MICAL3: variants seen among roughly 807,000 people sequenced by gnomAD.
MICAL3 encodes [F-actin]-monooxygenase MICAL3.
MICAL3 carries 62 observed loss-of-function variants against 207.4 expected under a neutral mutation model. That is an observed-to-expected ratio of 0.30 (90% CI 0.24 to 0.37). The LOEUF (loss-of-function observed/expected upper bound fraction) is 0.37. Among genes scored for constraint, MICAL3 ranks in the 10% least tolerant of loss-of-function variants. MICAL3 has a pLI of 1.00. For synonymous variants in MICAL3, 1,077 were observed against 1,069.3 expected, an observed-to-expected ratio of 1.01 and a Z score of -0.14; for missense variants, 2,368 against 2,635.6, an observed-to-expected ratio of 0.90 and a Z score of 2.22.
intron 15 of MICAL3, among the ~76,000 whole-genome samples, chr22:17,886,634 G>A (rs190303668): frequency 1.2e-4 from 19 of 152,024 alleles, no homozygotes; most frequent in African/African-American, 3.9e-4. Context: ...GTGAAAATCC[G>A]TCTCTACTAA....
chr22:18,022,011 G>A lies in MICAL3; in HGVS notation c.-75+2270C>T, dbSNP rs1924510175. Among the ~76,000 whole-genome samples the A allele has an allele frequency of 2.0e-5, 3 of 152,144 alleles. No individual in the cohort carries two copies. The South Asian group carries it at 6.2e-4, about 32-fold the overall frequency. Reference sequence around the variant, plus strand: ...TGTGCCTGGTGAAGTTCTGGCACCAGGTGGGTAGATCACATTTTCTAGTTT... The same window carrying A: ...TGTGCCTGGTGAAGTTCTGGCACCAAGTGGGTAGATCACATTTTCTAGTTT... On this transcript the variant is annotated intron_variant, in intron 1 of 31. Transcript: ENST00000441493.
intron 1 of MICAL3, among the ~76,000 whole-genome samples, chr22:17,964,415 G>A (rs917777240): frequency 6.6e-6 from 1 of 152,162 alleles, no homozygotes; most frequent in African/African-American, 2.4e-5. Flanking sequence ...AGGCCCCAGC[G>A]AACAGCCCTG....
intron 19 of MICAL3, chr22:17,862,324 G>A (rs1256255538): frequency 2.4e-6 from 2 of 839,060 alleles, no homozygotes; most frequent in Non-Finnish European, 2.9e-6. Context: ...GTGTGATCTC[G>A]ACTTACTGCA....
In MICAL3 at chr22:17,819,039, G is replaced by C. The variant is rs749856969; in HGVS notation, c.3622C>G (p.Pro1208Ala). 1.9e-5 allele frequency: 30 copies of C among 1,597,956 alleles called. No homozygotes were observed. The highest frequency in any genetic ancestry group is 2.4e-5 in the Non-Finnish European group (28 of 1,172,508). The change falls in exon 26 of 32, where the codon CCC (proline) becomes GCC (alanine). Residue 1208 changes from proline to alanine, a missense_variant. Coordinates refer to ENST00000441493, the MANE Select transcript of MICAL3 (RefSeq NM_015241.3). ...AGATCCGAGGGGGCATCAGCTTTGG[G>C]CTTCTCTTTGGGGAGCAAAGGCTCA... The part of the protein sequence containing the change: ...FPEPLLPKEK[P>A]KADAPSDLKA...
chr22:17,817,965 C>T lies in MICAL3; in HGVS notation c.4696G>A (p.Gly1566Arg), dbSNP rs1018174000. 30 of 1,612,414 alleles carry T rather than the reference C, an allele frequency of 1.9e-5. No homozygotes were observed. Among genetic ancestry groups the T allele is most frequent in the African/African-American group, 1.2e-4 (9 of 74,930 alleles). Residue 1566 changes from glycine to arginine, a missense_variant, in exon 26 of 32, where the codon GGG (glycine) becomes AGG (arginine). Physicochemically the swap from Gly to Arg is moderately radical, Grantham distance 125. Around this residue, in one of 4 missense-constraint regions of MICAL3, gnomAD observed 1,770 missense variants for 1,863.2 expected, o/e 0.95. Coordinates refer to ENST00000441493, the MANE Select transcript of MICAL3 (RefSeq NM_015241.3). Reference sequence around the variant, plus strand: ...GTCCCCTCCAGAGCAGGCAGCCTCCCGTTCTCCTTGGCCAGGGGCGGGTGG... The same window carrying T: ...GTCCCCTCCAGAGCAGGCAGCCTCCTGTTCTCCTTGGCCAGGGGCGGGTGG... ...PRHPPLAKEN[G>R]RLPALEGTLQ...
In MICAL3 at chr22:17,966,602, A is replaced by T. The variant is rs116604657; in HGVS notation, c.-75+57679T>A. Among the ~76,000 whole-genome samples, 1,508 of 152,306 alleles carry T rather than the reference A, an allele frequency of 9.9e-3. 20 individuals carry two copies. Among genetic ancestry groups the T allele is most frequent in the African/African-American group, 0.032 (1,316 of 41,558 alleles). On this transcript the variant is annotated intron_variant, in intron 1 of 31. Transcript: ENST00000441493. ...GCACAGGCTTGGGAGTTGGACTGAG[A>T]TTAATCCTGACTCTGCCACACACTT...
intron 17 of MICAL3, among the ~76,000 whole-genome samples, chr22:17,867,881 A>AT (rs369102708): frequency 6.6e-6 from 1 of 152,084 alleles, no homozygotes; most frequent in Non-Finnish European, 1.5e-5. Context: ...TCTTCCTTCT[A>AT]TTTTTTTCCT....
At chr22:17,876,928 G>GGGAAGTTATGGAGGTTAT (rs1569109433) in intron 16 of MICAL3, 1 of 56,502 alleles carries the variant, frequency 1.8e-5, no homozygotes, top group Non-Finnish European at 3.6e-5. Context: ...ATGGAGGTTA[G>GGGAAGTTATGGAGGTTAT]GGAGGTTAGG....
At position 17,841,190 on chromosome 22, in the gene MICAL3, T is replaced by A. The variant is rs534490291; in HGVS notation, c.2801+632A>T. ...TTTTGATTCTTGGCTCTCTTGATCA[T>A]CTGTAATCGGCTGAACACTTTGAAG... On this transcript the variant is annotated intron_variant, in intron 20 of 31. Coordinates refer to ENST00000441493, the MANE Select transcript of MICAL3 (RefSeq NM_015241.3). This position sits in a 1 kb window ranked among gnomAD's most constrained non-coding sequence, Gnocchi z 4.2. 6.5e-6 allele frequency: 1 copy of A among 153,166 alleles called. No individual in the cohort carries two copies. Among genetic ancestry groups the A allele is most frequent in the East Asian group, 1.9e-4 (1 of 5,180 alleles). 9.5% of individuals were successfully genotyped at this position (153,166 alleles called of 1,614,324 possible). A position where few individuals can be genotyped will look rare whatever the true frequency, so the allele number is the denominator to read the frequency against.
At chr22:17,859,987 G>A (rs1200122346) in intron 19 of MICAL3, among the ~76,000 whole-genome samples, 3 of 152,166 alleles carry the variant, frequency 2.0e-5, no homozygotes, top group Non-Finnish European at 4.4e-5. Flanking sequence ...AGCTATGTCA[G>A]GTATAAAAAC....
chr22:17,881,876 GTCCCTGGCTTTTCCC>G (rs747578780), intron 16 of MICAL3, among the ~76,000 whole-genome samples: 112 of 152,318 alleles, frequency 7.4e-4, no homozygotes, highest in Admixed American at 1.8e-3. Flanking sequence ...CCATATACAT[GTCCCTGGCTTTTCCC>G]TCATTTCTGC....
At chr22:17,934,343 C>T (rs1180554490) in intron 1 of MICAL3, among the ~76,000 whole-genome samples, 1 of 151,564 alleles carries the variant, frequency 6.6e-6, no homozygotes, top group Non-Finnish European at 1.5e-5. Context: ...ATAAACAGAA[C>T]CAAAGACAAA....
At chr22:17,886,343 G>A (rs1262005759) in intron 15 of MICAL3, among the ~76,000 whole-genome samples, 1 of 152,222 alleles carries the variant, frequency 6.6e-6, no homozygotes, top group Non-Finnish European at 1.5e-5. Flanking sequence ...GTGTGCTCTG[G>A]AAAATTAAAC....
rs1003500556 is a variant in MICAL3 at position 17,801,144 on chromosome 22, T to C, written c.5650+7700A>G. 2.8e-5 allele frequency among the ~76,000 whole-genome samples: 3 copies of C among 108,206 alleles called. 1 individual carries two copies. Among genetic ancestry groups the C allele is most frequent in the Admixed American group, 2.5e-4 (3 of 11,988 alleles). 71.0% of individuals were successfully genotyped at this position (108,206 alleles called of 152,430 possible). ...ATTCACAAGGCATCCTGAGTTTCCT[T>C]TTTCTTTTTTTTTTTTTTTTTTTTT... On this transcript the variant is annotated intron_variant, in intron 29 of 31. Coordinates refer to ENST00000441493, the MANE Select transcript of MICAL3 (RefSeq NM_015241.3).
chr22:17,883,708 TC>T (rs760598034), intron 16 of MICAL3, among the ~76,000 whole-genome samples: 26 of 152,150 alleles, frequency 1.7e-4, no homozygotes, highest in Non-Finnish European at 2.9e-4. Flanking sequence ...TTCCAGGAGA[TC>T]CTGCCAAGGT....
intron 19 of MICAL3, among the ~76,000 whole-genome samples, chr22:17,854,328 C>T (rs988372302): frequency 3.9e-5 from 6 of 152,158 alleles, no homozygotes; most frequent in Non-Finnish European, 7.3e-5. Context: ...CCCAAAACGT[C>T]CACAGTGCTG....
chr22:17,802,033 C>T (rs533373291), intron 29 of MICAL3, among the ~76,000 whole-genome samples: 48 of 151,996 alleles, frequency 3.2e-4, no homozygotes, highest in South Asian at 1.9e-3. Flanking sequence ...TTCTGACGGC[C>T]CCTTCCAGGA....
At chr22:17,792,782 C>T (rs2061837478) in intron 29 of MICAL3, among the ~76,000 whole-genome samples, 2 of 152,232 alleles carry the variant, frequency 1.3e-5, no homozygotes, top group African/African-American at 4.8e-5. Context: ...GACGGAAACC[C>T]CCCAGCCTGT....
chr22:17,893,916 T>C lies in MICAL3; in HGVS notation c.1450-12A>G. On this transcript the variant is annotated splice_polypyrimidine_tract_variant and intron_variant, in intron 10 of 31. Coordinates refer to ENST00000441493, the MANE Select transcript of MICAL3 (RefSeq NM_015241.3). ...TATAAATGGCGCACCTGGCAGAAAT[T>C]TACAAAGTCAAACAGAAAGAAAATC... is the stretch of plus-strand genomic sequence containing the variant. 1.3e-6 allele frequency: 2 copies of C among 1,536,798 alleles called. No individual in the cohort carries two copies. The highest frequency in any genetic ancestry group is 1.8e-6 in the Non-Finnish European group (2 of 1,133,120).
Sources: gnomAD v4.1 joint callset for allele counts (sites outside exome capture counted in the v4.1 genomes callset) on GRCh38, gnomAD v4.1.1 for gene constraint, gnomAD v4.1.1 regional missense constraint, Gnocchi (gnomAD v3.1) non-coding constraint, MANE v1.5 for transcripts, NCBI Gene and HGNC (gene_info 2026-07-23, HGNC 2026-07-21) for gene names.